The following PDZD9 variants were observed in gnomAD, a reference collection of about 807,000 sequenced individuals.
The protein encoded by PDZD9 is PDZ domain containing 9.
Under a neutral mutation model 16.3 loss-of-function variants are expected in PDZD9, and 13 were observed. The observed-to-expected ratio is 0.80, with a 90% confidence interval of 0.52 to 1.27. PDZD9 has a LOEUF of 1.27. Ranked by LOEUF, PDZD9 falls within the 50% of genes most tolerant of loss-of-function variation. The pLI, the probability that PDZD9 is intolerant of heterozygous loss-of-function variation, is 0.00. For missense variants in PDZD9, 288 were observed against 310.9 expected, an observed-to-expected ratio of 0.93 and a Z score of 0.55; for synonymous variants, 120 against 111.0, an observed-to-expected ratio of 1.08 and a Z score of -0.51.
chr16:21,958,141 C>G, the PDZD9 span, among the ~76,000 whole-genome samples: 1 of 151,944 alleles, frequency 6.6e-6, no homozygotes, highest in African/African-American at 2.4e-5. Context: ...AATGAGAAAC[C>G]ACAAGATATT....
intron 1 of PDZD9, chr16:21,999,621 G>GAA (rs35368623): frequency 6.6e-6 from 1 of 152,214 alleles, no homozygotes; most frequent in Non-Finnish European, 1.5e-5. Context: ...ATGCTGTGCG[G>GAA]AAAAAAGCCA....
chr16:21,999,822 G>A (rs1357535750), intron 1 of PDZD9, among the ~76,000 whole-genome samples: 1 of 152,078 alleles, frequency 6.6e-6, no homozygotes, highest in African/African-American at 2.4e-5. Context: ...GGATCACTTG[G>A]GGTCAGGAGT....
Position 21,984,157 on chromosome 16 carries a change from G to A in PDZD9, c.*110C>T. ...GCTTTATAACGCAGTCATAAGAGAA[G>A]AGAATTGGTGAGTCTACAGACAGTC... On this transcript the variant is annotated 3_prime_UTR_variant, in exon 4 of 4. Coordinates refer to ENST00000424898, the MANE Select transcript of PDZD9 (RefSeq NM_001363519.1). 2 of 1,191,048 alleles carry A rather than the reference G, an allele frequency of 1.7e-6. No individual in the cohort carries two copies. Among genetic ancestry groups the A allele is most frequent in the Non-Finnish European group, 2.3e-6 (2 of 853,138 alleles). The allele number at this position is 1,191,048 out of a possible 1,614,324, so 73.8% of individuals were successfully genotyped here.
the PDZD9 span, among the ~76,000 whole-genome samples, chr16:21,969,926 C>T: frequency 6.6e-6 from 1 of 151,910 alleles, no homozygotes; most frequent in Non-Finnish European, 1.5e-5. Context: ...AGCTGGAGCA[C>T]AGTGGCACAA....
intron 1 of PDZD9, among the ~76,000 whole-genome samples, chr16:21,999,897 C>T (rs539000822): frequency 2.0e-5 from 3 of 152,260 alleles, no homozygotes; most frequent in East Asian, 1.9e-4. Context: ...ATCAGCCAGG[C>T]GTGGTGGTTC....
intron 3 of PDZD9, among the ~76,000 whole-genome samples, chr16:21,986,238 A>G (rs1225407638): frequency 1.3e-5 from 2 of 152,172 alleles, no homozygotes; most frequent in African/African-American, 2.4e-5. Flanking sequence ...CGCGTTATAC[A>G]TAAGTTACTA....
At chr16:21,972,531 C>G in the PDZD9 span, among the ~76,000 whole-genome samples, 1 of 152,030 alleles carries the variant, frequency 6.6e-6, no homozygotes, top group Non-Finnish European at 1.5e-5. Flanking sequence ...AGATGAACAC[C>G]AAGAAATTGT....
the PDZD9 span, among the ~76,000 whole-genome samples, chr16:21,965,779 A>G: frequency 6.6e-6 from 1 of 152,190 alleles, no homozygotes; most frequent in Admixed American, 6.5e-5. Context: ...AACATCTCAC[A>G]TACCTAAAGG....
chr16:21,968,424 C>G, the PDZD9 span: 1 of 414,880 alleles, frequency 2.4e-6, no homozygotes, highest in Non-Finnish European at 4.3e-6. Flanking sequence ...GCAACCATGA[C>G]CACAATTAGG....
chr16:21,982,014 G>C (rs1438623061), downstream of PDZD9, among the ~76,000 whole-genome samples: 3 of 151,490 alleles, frequency 2.0e-5, no homozygotes, highest in Non-Finnish European at 4.4e-5. Flanking sequence ...CTAATTTTTT[G>C]TATTTTTAGT....
chr16:21,970,884 T>G, the PDZD9 span, among the ~76,000 whole-genome samples: 1 of 152,016 alleles, frequency 6.6e-6, no homozygotes, highest in Non-Finnish European at 1.5e-5. Flanking sequence ...CCGTGCCCAG[T>G]CAACTTTGGA....
At chr16:21,999,494 T>C (rs915829324) in intron 1 of PDZD9, 2 of 152,330 alleles carry the variant, frequency 1.3e-5, no homozygotes, top group African/African-American at 2.4e-5. Context: ...AATGTCAACC[T>C]TCCCAAGGAC....
the PDZD9 span, among the ~76,000 whole-genome samples, chr16:21,957,785 G>C: frequency 6.6e-6 from 1 of 152,184 alleles, no homozygotes; most frequent in African/African-American, 2.4e-5. Flanking sequence ...GATATCAGCA[G>C]GGCTGTGATC....
the PDZD9 span, among the ~76,000 whole-genome samples, chr16:21,970,405 C>T: frequency 6.6e-6 from 1 of 152,192 alleles, no homozygotes; most frequent in Admixed American, 6.5e-5. Context: ...TACATTCCCA[C>T]CAGCAATGCA....
In PDZD9 at chr16:21,997,317, A is replaced by G. The variant is rs566752957; in HGVS notation, c.32-816T>C. 1.8e-4 allele frequency among the ~76,000 whole-genome samples: 27 copies of G among 152,316 alleles called. No individual in the cohort carries two copies. In the South Asian group the frequency reaches 5.6e-3, roughly 32 times the overall value. On this transcript the variant is annotated intron_variant, in intron 1 of 3. Transcript: ENST00000424898. ...GGGTCAAGCTTCCAGCAGGGCTAAA[A>G]TTTGAATTAAGGCCAAAAGGACCAA...
chr16:21,961,650 A>ATATATATATATATG, the PDZD9 span, among the ~76,000 whole-genome samples: 1 of 102,702 alleles, frequency 9.7e-6, no homozygotes, highest in African/African-American at 5.1e-5. Flanking sequence ...ATATATATAT[A>ATATATATATATATG]TATATATATA....
intron 1 of PDZD9, chr16:21,999,198 C>T (rs2141965085): frequency 5.5e-6 from 1 of 180,510 alleles, no homozygotes; most frequent in African/African-American, 2.4e-5. Flanking sequence ...AGTGCATGCT[C>T]AGGATGAACT....
the PDZD9 span, among the ~76,000 whole-genome samples, chr16:21,959,115 G>A: frequency 6.6e-6 from 1 of 152,178 alleles, no homozygotes; most frequent in African/African-American, 2.4e-5. Flanking sequence ...TCAAGGTGGT[G>A]GTTGCTGAAG....
chr16:21,980,579 T>A, downstream of PDZD9: 6 of 1,614,138 alleles, frequency 3.7e-6, no homozygotes, highest in Non-Finnish European at 5.1e-6. Flanking sequence ...CTAATGTCAG[T>A]GGAGTCTTCT....
Sources: allele counts gnomAD v4.1 joint callset (sites outside exome capture counted in the v4.1 genomes callset), GRCh38; gene constraint gnomAD v4.1.1; transcripts MANE v1.5; gene names NCBI Gene and HGNC (gene_info 2026-07-23, HGNC 2026-07-21).